DRC11: variants seen among roughly 807,000 people sequenced by gnomAD.
DRC11 encodes the protein dynein regulatory complex subunit 11, also known as IQ and AAA domain-containing protein 1.
At chr2:236,495,325 A>C in the DRC11 span, among the ~76,000 whole-genome samples, 1 of 152,218 alleles carries the variant, frequency 6.6e-6, no homozygotes. The surrounding 1 kb of genome is among the most constrained non-coding windows in gnomAD (Gnocchi z 5.6). Flanking sequence ...CCTGGGCAAG[A>C]ACAGCAAAAC....
the DRC11 span, among the ~76,000 whole-genome samples, chr2:236,417,392 T>C: frequency 1.3e-5 from 2 of 152,026 alleles, no homozygotes; most frequent in East Asian, 3.9e-4. Flanking sequence ...ACACAGAAGT[T>C]TGCGAGTCTG....
the DRC11 span, among the ~76,000 whole-genome samples, chr2:236,393,037 A>G: frequency 6.6e-6 from 1 of 152,164 alleles, no homozygotes; most frequent in African/African-American, 2.4e-5. The surrounding 1 kb of genome is among the most constrained non-coding windows in gnomAD (Gnocchi z 4.7). Flanking sequence ...CTCAGAAGGG[A>G]GGTTCCAAAT....
At chr2:236,446,614 T>C in the DRC11 span, among the ~76,000 whole-genome samples, 52 of 152,328 alleles carry the variant, frequency 3.4e-4, no homozygotes, top group East Asian at 7.4e-3. This position sits in a 1 kb window ranked among gnomAD's most constrained non-coding sequence, Gnocchi z 6.2. Flanking sequence ...CTTTGGATGC[T>C]TGGACACACA....
At chr2:236,443,233 C>T in the DRC11 span, among the ~76,000 whole-genome samples, 2 of 152,132 alleles carry the variant, frequency 1.3e-5, no homozygotes, top group Non-Finnish European at 1.5e-5. The surrounding 1 kb of genome is among the most constrained non-coding windows in gnomAD (Gnocchi z 4.4). Flanking sequence ...AGGTTTGTTA[C>T]GTAGGTAGAT....
chr2:236,374,629 A>C, the DRC11 span, among the ~76,000 whole-genome samples: 1 of 152,312 alleles, frequency 6.6e-6, no homozygotes. Flanking sequence ...CATTGTGAGA[A>C]CGAAAGCAAG....
At chr2:236,311,693 G>GGTGT in the DRC11 span, among the ~76,000 whole-genome samples, 10 of 136,376 alleles carry the variant, frequency 7.3e-5, no homozygotes, top group African/African-American at 2.9e-4. This position sits in a 1 kb window ranked among gnomAD's most constrained non-coding sequence, Gnocchi z 6.9. Context: ...AGCTGGATGG[G>GGTGT]GTGCGTGTGT....
At chr2:236,480,488 CTGTT>C in the DRC11 span, among the ~76,000 whole-genome samples, 3 of 152,178 alleles carry the variant, frequency 2.0e-5, no homozygotes, top group East Asian at 5.8e-4. Context: ...ATTCTTTCCT[CTGTT>C]TGATCCATTT....
At chr2:236,406,644 C>A in the DRC11 span, among the ~76,000 whole-genome samples, 1 of 152,088 alleles carries the variant, frequency 6.6e-6, no homozygotes, top group African/African-American at 2.4e-5. This position sits in a 1 kb window ranked among gnomAD's most constrained non-coding sequence, Gnocchi z 4.7. Context: ...TGAAAACCAA[C>A]CCAGAAACTA....
At chr2:236,390,314 G>GGCTA in the DRC11 span, among the ~76,000 whole-genome samples, 2 of 152,050 alleles carry the variant, frequency 1.3e-5, no homozygotes, top group Non-Finnish European at 2.9e-5. This position sits in a 1 kb window ranked among gnomAD's most constrained non-coding sequence, Gnocchi z 5.9. Context: ...TTATTTGCAT[G>GGCTA]AGATATCTTT....
the DRC11 span, among the ~76,000 whole-genome samples, chr2:236,428,970 T>C: frequency 6.6e-6 from 1 of 152,232 alleles, no homozygotes; most frequent in Non-Finnish European, 1.5e-5. Flanking sequence ...TTGTGTTCCG[T>C]TGGTGGTATC....
At chr2:236,434,227 T>C in the DRC11 span, among the ~76,000 whole-genome samples, 3 of 152,198 alleles carry the variant, frequency 2.0e-5, no homozygotes, top group Non-Finnish European at 2.9e-5. The surrounding 1 kb of genome is among the most constrained non-coding windows in gnomAD (Gnocchi z 5.5). Flanking sequence ...GTGTTCAATC[T>C]TTTTTGGGGG....
At chr2:236,375,030 G>A in the DRC11 span, among the ~76,000 whole-genome samples, 9 of 151,870 alleles carry the variant, frequency 5.9e-5, no homozygotes, top group Non-Finnish European at 8.8e-5. The surrounding 1 kb of genome is among the most constrained non-coding windows in gnomAD (Gnocchi z 4.2). Context: ...ACCAGATCTC[G>A]TGAGAACTCA....
At chr2:236,491,028 T>TATATATATATACA in the DRC11 span, among the ~76,000 whole-genome samples, 1 of 142,216 alleles carries the variant, frequency 7.0e-6, no homozygotes, top group Non-Finnish European at 1.5e-5. Flanking sequence ...TATATATATG[T>TATATATATATACA]GTGTATATAT....
chr2:236,362,755 G>A, the DRC11 span, among the ~76,000 whole-genome samples: 1 of 152,134 alleles, frequency 6.6e-6, no homozygotes, highest in African/African-American at 2.4e-5. This position sits in a 1 kb window ranked among gnomAD's most constrained non-coding sequence, Gnocchi z 5.7. Context: ...TGACCATAAA[G>A]TGCATGAAAA....
At chr2:236,495,685 T>C in the DRC11 span, among the ~76,000 whole-genome samples, 2 of 152,154 alleles carry the variant, frequency 1.3e-5, no homozygotes, top group Non-Finnish European at 2.9e-5. This position sits in a 1 kb window ranked among gnomAD's most constrained non-coding sequence, Gnocchi z 5.6. Flanking sequence ...TGGGTGTTTG[T>C]CAGTACCAGG....
the DRC11 span, among the ~76,000 whole-genome samples, chr2:236,471,449 G>T: frequency 7.9e-5 from 12 of 152,162 alleles, no homozygotes; most frequent in African/African-American, 2.9e-4. The surrounding 1 kb of genome is among the most constrained non-coding windows in gnomAD (Gnocchi z 4.6). Context: ...TGCCAACACT[G>T]TAACGTTAAC....
the DRC11 span, among the ~76,000 whole-genome samples, chr2:236,500,523 AC>A: frequency 6.6e-6 from 1 of 152,146 alleles, no homozygotes; most frequent in Non-Finnish European, 1.5e-5. The surrounding 1 kb of genome is among the most constrained non-coding windows in gnomAD (Gnocchi z 6.3). Flanking sequence ...CATCCCCAGC[AC>A]GTCCGAATGC....
the DRC11 span, among the ~76,000 whole-genome samples, chr2:236,495,528 C>T: frequency 2.7e-4 from 41 of 152,242 alleles, no homozygotes; most frequent in African/African-American, 9.6e-4. This position sits in a 1 kb window ranked among gnomAD's most constrained non-coding sequence, Gnocchi z 5.6. Flanking sequence ...GTAGAGAAAG[C>T]CTCTTCCCCA....
At chr2:236,346,617 A>T in the DRC11 span, 1 of 168,918 alleles carries the variant, frequency 5.9e-6, no homozygotes, top group Non-Finnish European at 1.5e-5. Flanking sequence ...GTAGGTGGTT[A>T]TGTTACAGTG....
Sources: allele counts gnomAD v4.1 joint callset (sites outside exome capture counted in the v4.1 genomes callset), GRCh38; gene constraint gnomAD v4.1.1; non-coding constraint Gnocchi (gnomAD v3.1); transcripts MANE v1.5; gene names NCBI Gene and HGNC (gene_info 2026-07-23, HGNC 2026-07-21).